Variants in WIF1 observed in about 807,000 individuals in gnomAD.
The protein encoded by WIF1 is Wnt inhibitory factor 1.
Under a neutral mutation model 53.5 loss-of-function variants are expected in WIF1, and 35 were observed. The observed-to-expected ratio is 0.65, with a 90% CI of 0.50 to 0.87. The LOEUF (loss-of-function observed/expected upper bound fraction) is 0.87, where lower values mean the gene tolerates loss of function less well. WIF1 is among the 40% of genes least tolerant of loss of function. The pLI, the probability that WIF1 is intolerant of heterozygous loss-of-function variation, is 0.00. For missense variants in WIF1, 467 were observed against 476.8 expected (o/e 0.98, Z 0.19); for synonymous variants, 171 against 170.4 (o/e 1.00, Z -0.03).
chr12:65,085,324 C>G (rs1461796578), intron 2 of WIF1, among the ~76,000 whole-genome samples: 3 of 152,054 alleles, frequency 2.0e-5, no homozygotes, highest in Non-Finnish European at 4.4e-5. Context: ...CAAAATTCAT[C>G]CATATTTCAT....
rs577189696 is a variant in WIF1, at chr12:65,108,545, A to G, written c.288+11872T>C. ...TTGATTTCTTAGTTACAACATCATT[A>G]TCCATGCAACAATCTCAAAGTCATC... On this transcript the variant is annotated intron_variant, in intron 2 of 9. Transcript: ENST00000286574. Among the ~76,000 whole-genome samples the G allele has an allele frequency of 3.9e-5, 6 of 152,328 alleles. No homozygotes were observed. In the South Asian group the frequency reaches 1.2e-3, roughly 32 times the overall value.
chr12:65,119,004 C>A (rs1297016883), intron 2 of WIF1, among the ~76,000 whole-genome samples: 1 of 152,016 alleles, frequency 6.6e-6, no homozygotes, highest in Non-Finnish European at 1.5e-5. Context: ...CTTACGAACC[C>A]ATAAAGGTAT....
At chr12:65,075,991 A>G (rs1426504892) in intron 3 of WIF1, among the ~76,000 whole-genome samples, 1 of 152,172 alleles carries the variant, frequency 6.6e-6, no homozygotes, top group Non-Finnish European at 1.5e-5. Flanking sequence ...AATAAAAAAT[A>G]CCAAAAGAAG....
intron 2 of WIF1, among the ~76,000 whole-genome samples, chr12:65,105,340 C>T (rs1388071053): frequency 2.0e-5 from 3 of 152,160 alleles, no homozygotes; most frequent in Admixed American, 2.0e-4. Flanking sequence ...GGGACATGGG[C>T]TGAAGGAACT....
chr12:65,072,082 C>T (rs529254438), intron 3 of WIF1, among the ~76,000 whole-genome samples: 1 of 151,980 alleles, frequency 6.6e-6, no homozygotes. Flanking sequence ...AATTAAACAC[C>T]TTTTAAAAGT....
At chr12:65,116,649 C>A (rs989330571) in intron 2 of WIF1, among the ~76,000 whole-genome samples, 2 of 151,916 alleles carry the variant, frequency 1.3e-5, no homozygotes, top group African/African-American at 4.8e-5. Flanking sequence ...GAAAAATTGT[C>A]TTCCACCAGG....
intron 2 of WIF1, among the ~76,000 whole-genome samples, chr12:65,097,990 G>A (rs1451388029): frequency 6.6e-6 from 1 of 152,154 alleles, no homozygotes; most frequent in Non-Finnish European, 1.5e-5. Context: ...CTGGTGAAAA[G>A]AACTCATCTC....
intron 1 of WIF1, 43 bp downstream of exon 1, chr12:65,120,998 AGAG>A (rs761415411): frequency 1.1e-5 from 15 of 1,402,106 alleles, no homozygotes; most frequent in Middle Eastern, 1.9e-4. Flanking sequence ...AAGAGTGGAG[AGAG>A]GAGGACATAG....
At chr12:65,089,197 A>G (rs1378585106) in intron 2 of WIF1, among the ~76,000 whole-genome samples, 3 of 152,152 alleles carry the variant, frequency 2.0e-5, no homozygotes, top group Non-Finnish European at 4.4e-5. Flanking sequence ...TATCTTCCCA[A>G]TGAGGCTGTT....
intron 3 of WIF1, among the ~76,000 whole-genome samples, chr12:65,077,256 G>A (rs900621416): frequency 2.0e-5 from 3 of 152,180 alleles, no homozygotes; most frequent in Admixed American, 6.5e-5. Context: ...AGCAAAGAAG[G>A]ATGATTAGAC....
At position 65,060,989 on chromosome 12, in the gene WIF1, A is replaced by G. The variant is rs1379384287; in HGVS notation, c.826+1492T>C. On this transcript the variant is annotated intron_variant, in intron 7 of 9. Coordinates refer to ENST00000286574, the MANE Select transcript of WIF1 (RefSeq NM_007191.5). ...TAAGAACATGAAAGGGCATATTTAC[A>G]TGAAGGAAAATGAGCCTATGAACAA... is the stretch of plus-strand genomic sequence containing the variant. Among the ~76,000 whole-genome samples, 9 of 152,336 alleles carry G rather than the reference A, an allele frequency of 5.9e-5. No individual in the cohort carries two copies. In the East Asian group the frequency reaches 1.4e-3, roughly 23 times the overall value.
intron 6 of WIF1, among the ~76,000 whole-genome samples, chr12:65,063,701 T>C (rs1327259371): frequency 6.7e-5 from 9 of 135,160 alleles, no homozygotes; most frequent in East Asian, 2.0e-4. Flanking sequence ...CAAAACTCTT[T>C]TTTTTTTTTT....
intron 5 of WIF1, 66 bp from the exon 6 acceptor site, chr12:65,066,802 T>A (rs1214980621): frequency 8.6e-7 from 1 of 1,166,228 alleles, no homozygotes; most frequent in Admixed American, 2.5e-5. Context: ...TTTTGAAATG[T>A]CAATAATACA....
At chr12:65,120,970 A>G (rs1883599591) in intron 1 of WIF1, 74 bp downstream of exon 1, 3 of 1,355,830 alleles carry the variant, frequency 2.2e-6, no homozygotes, top group Non-Finnish European at 2.9e-6. Context: ...CAAGAAACGC[A>G]GGTATCCCTC....
chr12:65,054,236 G>A (rs1447353469), intron 9 of WIF1: 1 of 152,100 alleles, frequency 6.6e-6, no homozygotes, highest in African/African-American at 2.4e-5. Flanking sequence ...GAAGAGTATG[G>A]TATGTGACTG....
At chr12:65,054,206 C>CAGCTTGGA (rs1882489754) in intron 9 of WIF1, 1 of 151,920 alleles carries the variant, frequency 6.6e-6, no homozygotes, top group African/African-American at 2.4e-5. Context: ...CCAACACTCC[C>CAGCTTGGA]AGCTTGGAAT....
intron 2 of WIF1, among the ~76,000 whole-genome samples, chr12:65,109,690 A>C (rs1883401722): frequency 6.6e-6 from 1 of 152,208 alleles, no homozygotes. Flanking sequence ...AGATCTGAGG[A>C]AAGTCTCTGA....
At chr12:65,083,731 T>G in intron 2 of WIF1, 1 of 336,120 alleles carries the variant, frequency 3.0e-6, no homozygotes. Flanking sequence ...CCCCACTTGA[T>G]TTCTCTTTTC....
chr12:65,085,290 G>A (rs1213889691), intron 2 of WIF1, among the ~76,000 whole-genome samples: 1 of 151,914 alleles, frequency 6.6e-6, no homozygotes, highest in African/African-American at 2.4e-5. Flanking sequence ...AAGATATCTT[G>A]GGGATGGGAC....
Sources: allele counts gnomAD v4.1 joint callset (sites outside exome capture counted in the v4.1 genomes callset), GRCh38; gene constraint gnomAD v4.1.1; transcripts MANE v1.5; gene names NCBI Gene and HGNC (gene_info 2026-07-23, HGNC 2026-07-21).